MCTP1: variants seen among roughly 807,000 people sequenced by gnomAD.
MCTP1 encodes multiple C2 and transmembrane domain-containing protein 1.
MCTP1 carries 69 observed loss-of-function variants against 120.6 expected under a neutral mutation model. The observed-to-expected ratio is 0.57, with a 90% confidence interval of 0.47 to 0.70. The LOEUF (loss-of-function observed/expected upper bound fraction) is 0.70, where lower values mean the gene tolerates loss of function less well. MCTP1 is among the 30% of genes least tolerant of loss of function. The pLI is 0.00. For missense variants in MCTP1, 1,203 were observed against 1,248.8 expected (o/e 0.96, Z 0.55); for synonymous variants, 529 against 493.1 (o/e 1.07, Z -0.96).
rs1051300283 is a variant in MCTP1 at position 95,081,393 on chromosome 5, A to G, written c.721-63909T>C. Reference sequence around the variant, plus strand: ...ACTGCCACATTAATTTAAGGCTACCACAATCCAGTGAGTAAACCAAAATGT... The same window carrying G: ...ACTGCCACATTAATTTAAGGCTACCGCAATCCAGTGAGTAAACCAAAATGT... On this transcript the variant is annotated intron_variant, in intron 1 of 22. Transcript: ENST00000515393. The G allele has an allele frequency of 1.9e-6, 3 of 1,595,854 alleles. No individual in the cohort carries two copies. The African/African-American group carries it at 4.0e-5, about 21-fold the overall frequency.
chr5:94,964,872 G>C (rs1713471331), intron 2 of MCTP1, among the ~76,000 whole-genome samples: 1 of 151,898 alleles, frequency 6.6e-6, no homozygotes, highest in South Asian at 2.1e-4. Context: ...CCTTATTATT[G>C]CTCTTTTATT....
At chr5:94,869,495 TTTATGTATAATTGTGGTGAAATG>T (rs1378137159) in intron 16 of MCTP1, among the ~76,000 whole-genome samples, 1 of 152,042 alleles carries the variant, frequency 6.6e-6, no homozygotes, top group Non-Finnish European at 1.5e-5. Context: ...TTTTATTACT[TTTATGTATAATTGTGGTGAAATG>T]TTATTTACAT....
chr5:95,256,758 G>T (rs1241420025), intron 1 of MCTP1, among the ~76,000 whole-genome samples: 2 of 152,178 alleles, frequency 1.3e-5, no homozygotes, highest in East Asian at 3.8e-4. Flanking sequence ...ACCTGGCTTA[G>T]TTGCAGGGAG....
chr5:94,953,261 A>G lies in MCTP1; in HGVS notation c.939T>C (p.Ala313=), dbSNP rs1581535856. 6.2e-7 allele frequency: 1 copy of G among 1,612,884 alleles called. No homozygotes were observed. Among genetic ancestry groups the G allele is most frequent in the Non-Finnish European group, 8.5e-7 (1 of 1,179,472 alleles). The change falls in exon 3 of 23, where the codon GCT becomes GCC. Residue 313 remains alanine (A), a synonymous_variant. Transcript: ENST00000515393. Reference sequence around the variant, plus strand: ...CCCTAAGATGATCAACCAGAATACAAGCTTTTTCTTCCCACACAGGGTTGA... The same window carrying G: ...CCCTAAGATGATCAACCAGAATACAGGCTTTTTCTTCCCACACAGGGTTGA... ...KNLNPVWEEK[A]CILVDHLREP...
intron 1 of MCTP1, among the ~76,000 whole-genome samples, chr5:95,193,106 T>G (rs1750001935): frequency 6.6e-6 from 1 of 152,200 alleles, no homozygotes; most frequent in Non-Finnish European, 1.5e-5. Context: ...TTTAATAAAC[T>G]GAGTAATTTT....
At chr5:95,051,663 A>G (rs1353147798) in intron 1 of MCTP1, among the ~76,000 whole-genome samples, 2 of 152,226 alleles carry the variant, frequency 1.3e-5, no homozygotes, top group South Asian at 4.1e-4. Context: ...TTTGAGATAT[A>G]CTATGCCACT....
chr5:94,908,985 CCT>C (rs1291828952), intron 10 of MCTP1, among the ~76,000 whole-genome samples: 1 of 151,886 alleles, frequency 6.6e-6, no homozygotes, highest in Admixed American at 6.6e-5. Flanking sequence ...AGATGAAATT[CCT>C]CTTTCTCAAC....
At chr5:94,737,865 G>T (rs935929895) in intron 19 of MCTP1, among the ~76,000 whole-genome samples, 2 of 152,156 alleles carry the variant, frequency 1.3e-5, no homozygotes, top group South Asian at 4.1e-4. Context: ...TTTTAGTAGA[G>T]ACGGGGTTTC....
chr5:94,889,353 C>T (rs1386031763), intron 11 of MCTP1, among the ~76,000 whole-genome samples: 1 of 152,108 alleles, frequency 6.6e-6, no homozygotes, highest in East Asian at 1.9e-4. Flanking sequence ...CTTTGGGAAG[C>T]TGAGGTGGGT....
chr5:95,022,253 A>C (rs983410298), intron 1 of MCTP1, among the ~76,000 whole-genome samples: 2 of 152,218 alleles, frequency 1.3e-5, no homozygotes, highest in African/African-American at 4.8e-5. Context: ...GCACCAACCT[A>C]ACTGAAGCCT....
At chr5:95,217,499 G>C (rs1362736574) in intron 1 of MCTP1, among the ~76,000 whole-genome samples, 1 of 152,154 alleles carries the variant, frequency 6.6e-6, no homozygotes, top group Non-Finnish European at 1.5e-5. Context: ...AGTAAAGCCG[G>C]TCTTGGCCAC....
At chr5:95,149,854 T>C (rs112635283) in intron 1 of MCTP1, among the ~76,000 whole-genome samples, 1 of 58,124 alleles carries the variant, frequency 1.7e-5, no homozygotes, top group Non-Finnish European at 6.3e-5. Flanking sequence ...ATTGTGCAGG[T>C]CCCTGTAGGA....
At chr5:94,750,187 C>T (rs1018749436) in intron 19 of MCTP1, among the ~76,000 whole-genome samples, 8 of 152,108 alleles carry the variant, frequency 5.3e-5, no homozygotes, top group Non-Finnish European at 1.0e-4. Flanking sequence ...CCTAGGCAGT[C>T]GCAGAGGGAG....
chr5:94,761,951 C>A (rs1055246029), intron 19 of MCTP1, among the ~76,000 whole-genome samples: 3 of 152,202 alleles, frequency 2.0e-5, no homozygotes, highest in Admixed American at 6.5e-5. Context: ...GTATGAGAAG[C>A]CAGCAACAAC....
At chr5:94,831,474 A>G (rs1334392701) in intron 17 of MCTP1, among the ~76,000 whole-genome samples, 2 of 152,244 alleles carry the variant, frequency 1.3e-5, no homozygotes, top group Non-Finnish European at 2.9e-5. Context: ...AGATTTTTTT[A>G]TAAGATCCTT....
At chr5:94,795,236 G>A (rs1469559135) in intron 18 of MCTP1, among the ~76,000 whole-genome samples, 1 of 136,762 alleles carries the variant, frequency 7.3e-6, no homozygotes, top group Admixed American at 7.6e-5. Flanking sequence ...GCTTACAACT[G>A]ATGAAGGGAC....
intron 19 of MCTP1, among the ~76,000 whole-genome samples, chr5:94,749,498 T>C (rs1767723257): frequency 6.6e-6 from 1 of 151,720 alleles, no homozygotes; most frequent in Non-Finnish European, 1.5e-5. Context: ...CTACTAAAAA[T>C]ACAAAAATTA....
intron 1 of MCTP1, among the ~76,000 whole-genome samples, chr5:95,099,385 C>T (rs1756533936): frequency 1.3e-5 from 2 of 150,940 alleles, no homozygotes; most frequent in African/African-American, 4.8e-5. Flanking sequence ...TGACAAAGGG[C>T]TAATAGCCAG....
Position 94,947,555 on chromosome 5 carries a change from A to AATATATATATATAT in MCTP1, c.982-5142_982-5129dup, listed in dbSNP as rs377155852. 7.1e-3 allele frequency among the ~76,000 whole-genome samples: 278 copies of AATATATATATATAT among 39,346 alleles called. 25 individuals carry two copies. Among genetic ancestry groups the AATATATATATATAT allele is most frequent in the Middle Eastern group, 0.013 (1 of 80 alleles). 25.8% of individuals were successfully genotyped at this position (39,346 alleles called of 152,430 possible). ...AAAATATTTTAGTGTTAGTTTACTA[A>AATATATATATATAT]ATATATATATATATATATATATAGA... On this transcript the variant is annotated intron_variant, in intron 3 of 22. Coordinates refer to ENST00000515393, the MANE Select transcript of MCTP1 (RefSeq NM_024717.7).
Sources: gnomAD v4.1 joint callset for allele counts (sites outside exome capture counted in the v4.1 genomes callset) on GRCh38, gnomAD v4.1.1 for gene constraint, MANE v1.5 for transcripts, NCBI Gene and HGNC (gene_info 2026-07-23, HGNC 2026-07-21) for gene names.